Variants in PDE10A observed in about 807,000 individuals in gnomAD.
PDE10A encodes the protein phosphodiesterase 10A, also known as cAMP and cAMP-inhibited cGMP 3',5'-cyclic phosphodiesterase 10A.
PDE10A carries 39 observed loss-of-function variants against 97.7 expected under a neutral mutation model. The observed-to-expected ratio is 0.40, with a 90% CI of 0.31 to 0.52. PDE10A has a LOEUF of 0.52. PDE10A is among the 20% of genes least tolerant of loss of function. The probability of loss-of-function intolerance (pLI) is 0.56; values close to 1 mark genes in which losing one functional copy is unlikely to be tolerated. For missense variants in PDE10A, 731 were observed against 1,047.8 expected (o/e 0.70, Z 4.17); for synonymous variants, 371 against 376.8 (o/e 0.98, Z 0.18).
At chr6:165,479,944 A>G (rs902044020) in intron 3 of PDE10A, among the ~76,000 whole-genome samples, 8 of 152,308 alleles carry the variant, frequency 5.3e-5, no homozygotes, top group African/African-American at 1.9e-4. Context: ...TCTTTAAAAA[A>G]CTAATTCTCC....
rs1325787768 is a variant in PDE10A at position 165,763,788 on chromosome 6, T to C, written c.-614-220220A>G. 2.6e-5 allele frequency among the ~76,000 whole-genome samples: 4 copies of C among 152,254 alleles called. No homozygotes were observed. The East Asian group carries it at 7.7e-4, about 29-fold the overall frequency. On this transcript the variant is annotated intron_variant, in intron 1 of 19. Coordinates refer to the PDE10A transcript ENST00000366882. ...GCACAAGTATTTAAATGTTTGTGCA[T>C]TCTTATTTAGCCTGTGAGCAACCAG...
intron 1 of PDE10A, among the ~76,000 whole-genome samples, chr6:165,659,311 G>A (rs770895121): frequency 5.3e-5 from 8 of 151,860 alleles, no homozygotes; most frequent in Non-Finnish European, 8.8e-5. Context: ...TCAACAATTA[G>A]ACACATTTGT....
chr6:165,412,357 T>C (rs1787929566), intron 13 of PDE10A, among the ~76,000 whole-genome samples: 1 of 152,176 alleles, frequency 6.6e-6, no homozygotes, highest in African/African-American at 2.4e-5. Context: ...TTAAATTCCA[T>C]TGGCTACATT....
intron 1 of PDE10A, among the ~76,000 whole-genome samples, chr6:165,778,043 A>G (rs1359410011): frequency 6.8e-6 from 1 of 147,910 alleles, no homozygotes; most frequent in Non-Finnish European, 1.5e-5. Flanking sequence ...TTTTTTTTTC[A>G]TTTTTGCTAC....
intron 1 of PDE10A, among the ~76,000 whole-genome samples, chr6:165,859,135 ATG>A (rs762328807): frequency 6.6e-6 from 1 of 152,190 alleles, no homozygotes; most frequent in Non-Finnish European, 1.5e-5. Context: ...ACTTAATTTT[ATG>A]TGTGTTTCTG....
chr6:165,435,611 C>G (rs1789958294), intron 5 of PDE10A, among the ~76,000 whole-genome samples: 1 of 152,112 alleles, frequency 6.6e-6, no homozygotes, highest in Non-Finnish European at 1.5e-5. Flanking sequence ...AATGTACAGG[C>G]ACAGAAACAC....
At chr6:165,842,618 T>C (rs1780293198) in intron 1 of PDE10A, among the ~76,000 whole-genome samples, 1 of 152,210 alleles carries the variant, frequency 6.6e-6, no homozygotes, top group Admixed American at 6.5e-5. Context: ...ATGCTCGTTT[T>C]AGTGATGTTT....
chr6:165,419,078 A>G (rs909120580), intron 10 of PDE10A, among the ~76,000 whole-genome samples: 1 of 152,156 alleles, frequency 6.6e-6, no homozygotes, highest in Non-Finnish European at 1.5e-5. Flanking sequence ...CTTCTGTTTT[A>G]GTTGGTAAGC....
intron 16 of PDE10A, among the ~76,000 whole-genome samples, chr6:165,391,354 A>T (rs1044175821): frequency 1.3e-5 from 2 of 152,218 alleles, no homozygotes; most frequent in Non-Finnish European, 2.9e-5. Context: ...ATGTATCAAC[A>T]AAGTTTTTCT....
intron 2 of PDE10A, among the ~76,000 whole-genome samples, chr6:165,539,737 A>G (rs998545816): frequency 6.6e-6 from 1 of 151,474 alleles, no homozygotes; most frequent in Non-Finnish European, 1.5e-5. Flanking sequence ...GCTGGCCGAC[A>G]CGTTGAAACT....
intron 1 of PDE10A, among the ~76,000 whole-genome samples, chr6:165,640,623 C>G (rs1213217614): frequency 2.6e-5 from 4 of 152,240 alleles, no homozygotes; most frequent in Non-Finnish European, 5.9e-5. Context: ...CTCTTCCCTT[C>G]TAAACCTTCC....
In PDE10A at chr6:165,416,220, G is replaced by A. The variant is rs751057729; in HGVS notation, c.1858C>T (p.Pro620Ser). The change falls in exon 12 of 22, where the codon CCA (proline) becomes TCA (serine). Residue 620 changes from proline to serine, a missense_variant. Pro to Ser is a moderately conservative substitution (Grantham distance 74, BLOSUM62 -1). Transcript: ENST00000539869. ...VARTGEVLNI[P>S]DAYADPRFNR... ...AAGCGTGGGTCTGCATAGGCATCTG[G>A]AATGTTCAGGACTTCCCCTGTTCTT... 6.2e-7 allele frequency: 1 copy of A among 1,612,616 alleles called. No homozygotes were observed. The highest frequency in any genetic ancestry group is 1.7e-5 in the Admixed American group (1 of 59,994).
chr6:165,343,877 T>C (rs1021895731), intron 18 of PDE10A, among the ~76,000 whole-genome samples: 1 of 152,222 alleles, frequency 6.6e-6, no homozygotes, highest in Admixed American at 6.5e-5. Context: ...GAAGACGTCT[T>C]AAGAGAAAAT....
At chr6:165,557,031 C>T (rs573492164) in intron 1 of PDE10A, among the ~76,000 whole-genome samples, 11 of 151,766 alleles carry the variant, frequency 7.2e-5, no homozygotes, top group South Asian at 2.1e-4. Flanking sequence ...TCCAGCTACT[C>T]GGGAGGCTGA....
chr6:165,591,942 T>C (rs1786296768), intron 1 of PDE10A, among the ~76,000 whole-genome samples: 1 of 152,180 alleles, frequency 6.6e-6, no homozygotes, highest in Non-Finnish European at 1.5e-5. Context: ...TAGTAGCATA[T>C]GAAAAACACT....
chr6:165,943,054 A>G lies in PDE10A; in HGVS notation c.-615+44475T>C, dbSNP rs189184687. On this transcript the variant is annotated intron_variant, in intron 1 of 19. Coordinates refer to the PDE10A transcript ENST00000366882. ...CCATAGGATTTTAGATAGCCCTTGT[A>G]TTAGTCAGGGTGCTCCAGAACCCTG... Among the ~76,000 whole-genome samples, 19 of 151,270 alleles carry G rather than the reference A, an allele frequency of 1.3e-4. 1 individual carries two copies. In the East Asian group the frequency reaches 3.5e-3, roughly 28 times the overall value.
chr6:165,526,522 C>CT (rs1464413322), intron 2 of PDE10A, among the ~76,000 whole-genome samples: 2 of 152,172 alleles, frequency 1.3e-5, no homozygotes, highest in Non-Finnish European at 2.9e-5. Flanking sequence ...TATCACATCT[C>CT]TGGAGGGACT....
chr6:165,916,870 G>C (rs1289032325), intron 1 of PDE10A, among the ~76,000 whole-genome samples: 1 of 151,980 alleles, frequency 6.6e-6, no homozygotes, highest in Non-Finnish European at 1.5e-5. Flanking sequence ...TTCCTCCACC[G>C]TGGGCCACCT....
At chr6:165,474,882 A>G (rs1474951395) in intron 3 of PDE10A, among the ~76,000 whole-genome samples, 3 of 152,222 alleles carry the variant, frequency 2.0e-5, no homozygotes, top group African/African-American at 7.2e-5. Flanking sequence ...AGATCGAGAA[A>G]AAGAGAAAAA....
Sources: gnomAD v4.1 joint callset for allele counts (sites outside exome capture counted in the v4.1 genomes callset) on GRCh38, gnomAD v4.1.1 for gene constraint, MANE v1.5 for transcripts, NCBI Gene and HGNC (gene_info 2026-07-23, HGNC 2026-07-21) for gene names.